ZMYM4: variants seen among roughly 807,000 people sequenced by gnomAD.
ZMYM4 encodes zinc finger MYM-type protein 4.
A neutral mutation model predicts 183.2 loss-of-function variants in ZMYM4; 31 were observed. The ratio of observed to expected loss-of-function variants is 0.17; its 90% confidence interval spans 0.13 to 0.23. The LOEUF (loss-of-function observed/expected upper bound fraction) is 0.23. ZMYM4 is among the 10% of genes least tolerant of loss of function. The probability of loss-of-function intolerance (pLI) is 1.00; values close to 1 mark genes in which losing one functional copy is unlikely to be tolerated. For missense variants in ZMYM4, 1,273 were observed against 1,840.3 expected, an observed-to-expected ratio of 0.69 and a Z score of 5.64; for synonymous variants, 592 against 631.2, an observed-to-expected ratio of 0.94 and a Z score of 0.93.
At chr1:35,282,916 G>C (rs1025871183) in intron 1 of ZMYM4, among the ~76,000 whole-genome samples, 13 of 143,448 alleles carry the variant, frequency 9.1e-5, no homozygotes, top group Non-Finnish European at 3.0e-5. Context: ...ATTTGCACCA[G>C]CAATGCATGA....
intron 1 of ZMYM4, among the ~76,000 whole-genome samples, chr1:35,291,361 G>A (rs1640752464): frequency 6.6e-6 from 1 of 151,864 alleles, no homozygotes; most frequent in Non-Finnish European, 1.5e-5. Context: ...GGCCTGAAGT[G>A]ACCCTCCCAC....
At chr1:35,404,750 G>T (rs11264153) in intron 23 of ZMYM4, 7,059 of 241,332 alleles carry the variant, frequency 0.029, 429 homozygotes, top group East Asian at 0.22. Flanking sequence ...ACCTCATCAG[G>T]TGAGTCTATA....
At position 35,398,991 on chromosome 1, in the gene ZMYM4, G is replaced by C; in HGVS notation, c.3381G>C (p.Lys1127Asn). ...TGCAAGAGGCTGATTCAGAATTGAA[G>C]CAGTTCTCAAAAGGGGAAACTGAAC... ...NAVQEADSEL[K>N]QFSKGETEQD... The change falls in exon 22 of 30, where the codon AAG becomes AAC. Residue 1127 changes from lysine to asparagine, a missense_variant. This residue lies in a region of ZMYM4 where 290 missense variants were observed against 353.3 expected (regional missense o/e 0.82). Coordinates refer to ENST00000314607, the MANE Select transcript of ZMYM4 (RefSeq NM_005095.3). The C allele has an allele frequency of 6.2e-7, 1 of 1,614,122 alleles. No individual in the cohort carries two copies. The highest frequency in any genetic ancestry group is 8.5e-7 in the Non-Finnish European group (1 of 1,179,996).
intron 28 of ZMYM4, among the ~76,000 whole-genome samples, chr1:35,417,378 C>T (rs1640162093): frequency 6.6e-6 from 1 of 152,156 alleles, no homozygotes; most frequent in Non-Finnish European, 1.5e-5. Flanking sequence ...TGCTTGGCCT[C>T]TGCAAAATAC....
At chr1:35,275,726 T>C (rs901465882) in intron 1 of ZMYM4, among the ~76,000 whole-genome samples, 1 of 152,200 alleles carries the variant, frequency 6.6e-6, no homozygotes, top group Admixed American at 6.5e-5. Context: ...GAAAGGCAAG[T>C]ATTGTATAAA....
At position 35,420,496 on chromosome 1, in the gene ZMYM4, C is replaced by T. The variant is rs2149054607; in HGVS notation, c.*819C>T. On this transcript the variant is annotated 3_prime_UTR_variant, in exon 30 of 30. Coordinates refer to ENST00000314607, the MANE Select transcript of ZMYM4 (RefSeq NM_005095.3). ...AATGCCCCTTCTCTGGGTGTGGGCC[C>T]TTATTGCAGCTGTCTCACAGCCTGA... The T allele has an allele frequency of 6.5e-6, 1 of 152,714 alleles. No homozygotes were observed. Among genetic ancestry groups the T allele is most frequent in the East Asian group, 1.9e-4 (1 of 5,174 alleles). The allele number at this position is 152,714 out of a possible 1,614,324, so 9.5% of individuals were successfully genotyped here.
Position 35,302,200 on chromosome 1 carries a change from C to CTTTTTTTTTT in ZMYM4, c.40-23144_40-23135dup, listed in dbSNP as rs576277396. 8.9e-4 allele frequency among the ~76,000 whole-genome samples: 52 copies of CTTTTTTTTTT among 58,548 alleles called. 7 individuals carry two copies. Among genetic ancestry groups the CTTTTTTTTTT allele is most frequent in the African/African-American group, 2.9e-3 (45 of 15,522 alleles). The allele number at this position is 58,548 out of a possible 152,430, so 38.4% of individuals were successfully genotyped here. A position where few individuals can be genotyped will look rare whatever the true frequency, so the allele number is the denominator to read the frequency against. On this transcript the variant is annotated intron_variant, in intron 1 of 29. Transcript: ENST00000314607. The stretch of plus-strand genomic sequence containing the variant: ...ATCCACAAGCTAAAAACGGCTCTTG[C>CTTTTTTTTTT]TTTTTTTTTTTTTTTTTTTTTTTTT...
At chr1:35,381,811 T>A in intron 9 of ZMYM4, 53 bp downstream of exon 9, 2 of 1,579,432 alleles carry the variant, frequency 1.3e-6, no homozygotes, top group Non-Finnish European at 1.7e-6. Flanking sequence ...GTAATCTGTA[T>A]TTTTAGTCAG....
At chr1:35,355,050 T>G (rs954982680) in intron 2 of ZMYM4, among the ~76,000 whole-genome samples, 2 of 151,892 alleles carry the variant, frequency 1.3e-5, no homozygotes, top group African/African-American at 4.8e-5. Context: ...TATTTTTTAT[T>G]TTTGAGACAG....
Position 35,381,628 on chromosome 1 carries a change from A to G in ZMYM4, c.1439A>G (p.Asn480Ser). ...ACFSKFRSAN[N>S]LTMNCCENCG... ...TTCTCTAAGTTTCGTTCTGCTAACAACCTCACCATGAACTGTTGTGAGAAC... is the reference window on the plus strand; with the variant it reads ...TTCTCTAAGTTTCGTTCTGCTAACAGCCTCACCATGAACTGTTGTGAGAAC... Residue 480 changes from asparagine (N) to serine (S), a missense_variant, in exon 9 of 30, where the codon AAC becomes AGC. Asn to Ser is a conservative substitution (Grantham distance 46). Coordinates refer to ENST00000314607, the MANE Select transcript of ZMYM4 (RefSeq NM_005095.3). 4 of 1,614,182 alleles carry G rather than the reference A, an allele frequency of 2.5e-6. No individual in the cohort carries two copies. The highest frequency in any genetic ancestry group is 3.4e-6 in the Non-Finnish European group (4 of 1,180,028).
intron 26 of ZMYM4, among the ~76,000 whole-genome samples, chr1:35,409,611 A>T (rs1286310589): frequency 6.6e-6 from 1 of 152,068 alleles, no homozygotes; most frequent in Non-Finnish European, 1.5e-5. Context: ...CTTAGTCTGT[A>T]TTGCCATAGG....
At chr1:35,380,659 A>G (rs1396266472) in intron 7 of ZMYM4, among the ~76,000 whole-genome samples, 1 of 152,108 alleles carries the variant, frequency 6.6e-6, no homozygotes, top group Non-Finnish European at 1.5e-5. Context: ...TTCCACTTGA[A>G]CTGTCTGGTA....
chr1:35,402,355 C>T (rs780114744), intron 23 of ZMYM4, among the ~76,000 whole-genome samples: 1 of 152,112 alleles, frequency 6.6e-6, no homozygotes, highest in African/African-American at 2.4e-5. Flanking sequence ...ATGACTCACA[C>T]CTATAATCCT....
chr1:35,361,889 G>C, intron 5 of ZMYM4, 100 bp downstream of exon 5: 1 of 1,443,248 alleles, frequency 6.9e-7, no homozygotes, highest in Non-Finnish European at 9.3e-7. Flanking sequence ...TTTGTTGACA[G>C]GGTGAAAGGA....
chr1:35,317,457 A>C (rs1173451844), intron 1 of ZMYM4, among the ~76,000 whole-genome samples: 1 of 152,062 alleles, frequency 6.6e-6, no homozygotes, highest in Non-Finnish European at 1.5e-5. Flanking sequence ...ATAAATAGAT[A>C]GATAGATAGA....
At chr1:35,269,858 C>G (rs974529957) in intron 1 of ZMYM4, among the ~76,000 whole-genome samples, 2 of 152,166 alleles carry the variant, frequency 1.3e-5, no homozygotes, top group Non-Finnish European at 2.9e-5. Context: ...AGATGGCGAA[C>G]AATACTGTAC....
chr1:35,348,249 C>T (rs1236603461), intron 2 of ZMYM4, among the ~76,000 whole-genome samples: 2 of 152,092 alleles, frequency 1.3e-5, no homozygotes, highest in Non-Finnish European at 2.9e-5. Context: ...AAATATTTAT[C>T]ACCTTTTGGT....
At chr1:35,385,671 G>T (rs1005468540) in intron 10 of ZMYM4, 79 bp downstream of exon 10, 3 of 1,455,636 alleles carry the variant, frequency 2.1e-6, no homozygotes, top group South Asian at 3.0e-5. Flanking sequence ...GGTTTTTTTT[G>T]GTTGATTTTT....
chr1:35,350,672 G>T, intron 2 of ZMYM4: 1 of 294,462 alleles, frequency 3.4e-6, no homozygotes, highest in Non-Finnish European at 6.5e-6. Flanking sequence ...CAGCACTGCT[G>T]GGCCTGCAGG....
Sources: allele counts gnomAD v4.1 joint callset (sites outside exome capture counted in the v4.1 genomes callset), GRCh38; gene constraint gnomAD v4.1.1; regional missense constraint gnomAD v4.1.1; transcripts MANE v1.5; gene names NCBI Gene and HGNC (gene_info 2026-07-23, HGNC 2026-07-21).